SLC24A2: variants seen among roughly 807,000 people sequenced by gnomAD.
SLC24A2 encodes the protein solute carrier family 24 member 2, also known as sodium/potassium/calcium exchanger 2.
SLC24A2 carries 36 observed loss-of-function variants against 62.0 expected under a neutral mutation model. The ratio of observed to expected loss-of-function variants is 0.58; its 90% CI spans 0.44 to 0.77. The LOEUF is 0.77. SLC24A2 is among the 30% of genes least tolerant of loss of function. The probability of loss-of-function intolerance (pLI) is 0.00; values close to 1 mark genes in which losing one functional copy is unlikely to be tolerated. For missense variants in SLC24A2, 846 were observed against 817.9 expected (o/e 1.03, Z -0.42); for synonymous variants, 358 against 294.0 (o/e 1.22, Z -2.23).
the SLC24A2 span, among the ~76,000 whole-genome samples, chr9:20,276,614 G>A: frequency 1.3e-5 from 2 of 152,312 alleles, no homozygotes; most frequent in East Asian, 1.9e-4. Flanking sequence ...TGCCCTAGTG[G>A]GGATTCTGTG....
At chr9:20,066,101 G>A in the SLC24A2 span, among the ~76,000 whole-genome samples, 1 of 152,166 alleles carries the variant, frequency 6.6e-6, no homozygotes, top group African/African-American at 2.4e-5. Flanking sequence ...TCCAGTAAAT[G>A]ACTGGGAATA....
chr9:20,057,673 A>C, the SLC24A2 span, among the ~76,000 whole-genome samples: 2 of 152,204 alleles, frequency 1.3e-5, no homozygotes, highest in African/African-American at 4.8e-5. Context: ...CATATGTGCA[A>C]TCTATTATTA....
intron 8 of SLC24A2, among the ~76,000 whole-genome samples, chr9:19,537,113 G>A (rs1402742692): frequency 6.6e-6 from 1 of 151,470 alleles, no homozygotes; most frequent in East Asian, 1.9e-4. Context: ...CCCTTTGTGA[G>A]ATGAGTAGGT....
chr9:19,555,433 G>A (rs1414379021), intron 7 of SLC24A2, among the ~76,000 whole-genome samples: 2 of 152,172 alleles, frequency 1.3e-5, no homozygotes, highest in African/African-American at 4.8e-5. Flanking sequence ...ACCCAACAAT[G>A]ACAGTGGTGG....
At chr9:20,076,718 A>C in the SLC24A2 span, among the ~76,000 whole-genome samples, 184 of 152,050 alleles carry the variant, frequency 1.2e-3, 1 homozygote, top group East Asian at 0.019. Context: ...GGATAGGGAG[A>C]CACAAAGGGG....
At position 19,749,726 on chromosome 9, in the gene SLC24A2, T is replaced by C. The variant is rs1821929400; in HGVS notation, c.930+36211A>G. 8.5e-5 allele frequency among the ~76,000 whole-genome samples: 13 copies of C among 152,322 alleles called. No individual in the cohort carries two copies. In the South Asian group the frequency reaches 2.7e-3, roughly 32 times the overall value. On this transcript the variant is annotated intron_variant, in intron 2 of 10. Coordinates refer to ENST00000341998, the MANE Select transcript of SLC24A2 (RefSeq NM_020344.4). ...ACTTACGCTAAAAAATGACTCCTTG[T>C]ATAATGAAAAACGAAACTTACCTAG...
the SLC24A2 span, among the ~76,000 whole-genome samples, chr9:20,278,543 T>G: frequency 3.9e-5 from 6 of 152,164 alleles, no homozygotes; most frequent in Non-Finnish European, 7.3e-5. Flanking sequence ...AAGAGTCACT[T>G]TTGCTCCAGT....
At chr9:20,082,817 A>G in the SLC24A2 span, among the ~76,000 whole-genome samples, 1 of 152,356 alleles carries the variant, frequency 6.6e-6, no homozygotes, top group Middle Eastern at 3.4e-3. Context: ...GCAATTTACC[A>G]CAGGAAAAAG....
At chr9:19,659,986 C>A (rs1049464521) in intron 2 of SLC24A2, among the ~76,000 whole-genome samples, 1 of 152,112 alleles carries the variant, frequency 6.6e-6, no homozygotes, top group East Asian at 1.9e-4. Context: ...ACGAGGGGAC[C>A]AAGACTTTTT....
At chr9:19,568,280 G>C (rs1211455153) in intron 7 of SLC24A2, among the ~76,000 whole-genome samples, 1 of 152,092 alleles carries the variant, frequency 6.6e-6, no homozygotes, top group African/African-American at 2.4e-5. Flanking sequence ...TTCCAGCCTG[G>C]AAACCTCAGC....
the SLC24A2 span, among the ~76,000 whole-genome samples, chr9:20,150,013 C>T: frequency 6.6e-6 from 1 of 151,908 alleles, no homozygotes; most frequent in Non-Finnish European, 1.5e-5. Flanking sequence ...TGGCATGTGA[C>T]TATAGGAGAT....
chr9:19,760,828 C>T (rs566723424), intron 2 of SLC24A2, among the ~76,000 whole-genome samples: 1 of 150,976 alleles, frequency 6.6e-6, no homozygotes, highest in East Asian at 2.0e-4. Context: ...AAACCAAACA[C>T]CACATGTTCT....
intron 2 of SLC24A2, among the ~76,000 whole-genome samples, chr9:19,738,417 G>A (rs1216899246): frequency 6.6e-6 from 1 of 152,142 alleles, no homozygotes; most frequent in Non-Finnish European, 1.5e-5. Flanking sequence ...GAGAACGCAT[G>A]CATTCTTTAA....
chr9:20,148,252 T>A, the SLC24A2 span, among the ~76,000 whole-genome samples: 1 of 152,106 alleles, frequency 6.6e-6, no homozygotes, highest in Non-Finnish European at 1.5e-5. Context: ...AATATTTTAA[T>A]AATAATCACC....
At chr9:20,083,154 A>C in the SLC24A2 span, among the ~76,000 whole-genome samples, 1 of 152,218 alleles carries the variant, frequency 6.6e-6, no homozygotes, top group Non-Finnish European at 1.5e-5. Context: ...CTTCCACTGT[A>C]CCTTGTGTGA....
At chr9:20,118,504 C>T in the SLC24A2 span, among the ~76,000 whole-genome samples, 8 of 152,010 alleles carry the variant, frequency 5.3e-5, no homozygotes, top group African/African-American at 1.9e-4. Context: ...TGTGGATTCA[C>T]TTCTTATATT....
At chr9:19,825,771 A>G in the SLC24A2 span, among the ~76,000 whole-genome samples, 118,504 of 152,002 alleles carry the variant, frequency 0.78, 49,417 homozygotes, top group Non-Finnish European at 0.94. Flanking sequence ...AGAAGCTGAC[A>G]AAGTAATTAT....
chr9:19,658,132 G>C (rs376374189), intron 2 of SLC24A2, among the ~76,000 whole-genome samples: 6 of 152,318 alleles, frequency 3.9e-5, no homozygotes, highest in African/African-American at 1.4e-4. Flanking sequence ...CTGCCCTCTG[G>C]CAAGTAGAGG....
At chr9:19,854,982 G>T in the SLC24A2 span, among the ~76,000 whole-genome samples, 1 of 152,236 alleles carries the variant, frequency 6.6e-6, no homozygotes, top group South Asian at 2.1e-4. Flanking sequence ...TCCTGTATTG[G>T]TGTATATATA....
Sources: gnomAD v4.1 joint callset for allele counts (sites outside exome capture counted in the v4.1 genomes callset) on GRCh38, gnomAD v4.1.1 for gene constraint, MANE v1.5 for transcripts, NCBI Gene and HGNC (gene_info 2026-07-23, HGNC 2026-07-21) for gene names.